The following NKAIN3 variants were observed in gnomAD, a reference collection of about 807,000 sequenced individuals.
The protein encoded by NKAIN3 is sodium/potassium transporting ATPase interacting 3.
In NKAIN3, 25 loss-of-function variants were observed where a neutral mutation model predicts 30.2. The observed-to-expected ratio is 0.83, with a 90% CI of 0.60 to 1.16. The LOEUF is 1.16. NKAIN3 is among the 50% of genes most tolerant of loss of function. NKAIN3 has a pLI of 0.00. For missense variants in NKAIN3, 225 were observed against 254.1 expected (o/e 0.89, Z 0.78); for synonymous variants, 91 against 89.6 (o/e 1.02, Z -0.09).
chr8:62,423,063 G>C (rs892358495), intron 1 of NKAIN3, among the ~76,000 whole-genome samples: 3 of 152,028 alleles, frequency 2.0e-5, no homozygotes, highest in Non-Finnish European at 4.4e-5. Context: ...TTTCAAGGTA[G>C]CTGGGAAAAA....
chr8:62,812,122 C>A (rs948661905), intron 4 of NKAIN3, among the ~76,000 whole-genome samples: 19 of 151,894 alleles, frequency 1.3e-4, no homozygotes, highest in African/African-American at 4.3e-4. Context: ...TGCTTGTGCA[C>A]CTTTGTCAAT....
At chr8:62,491,632 T>C (rs1807069826) in intron 1 of NKAIN3, among the ~76,000 whole-genome samples, 1 of 152,198 alleles carries the variant, frequency 6.6e-6, no homozygotes, top group Non-Finnish European at 1.5e-5. Context: ...CGTTACAAAT[T>C]ATGTAAATAG....
At chr8:62,582,979 G>T (rs1396526157) in intron 2 of NKAIN3, among the ~76,000 whole-genome samples, 1 of 152,172 alleles carries the variant, frequency 6.6e-6, no homozygotes, top group Non-Finnish European at 1.5e-5. Context: ...CCTGGTGTTT[G>T]TGTCCCGGTC....
intron 6 of NKAIN3, 58 bp from the exon 7 acceptor site, chr8:62,965,296 A>G: frequency 1.0e-6 from 1 of 985,744 alleles, no homozygotes; most frequent in Non-Finnish European, 1.2e-6. Flanking sequence ...ATGAATATAA[A>G]AGATATTTAG....
chr8:62,317,766 T>G (rs1034531035), intron 1 of NKAIN3, among the ~76,000 whole-genome samples: 2 of 152,250 alleles, frequency 1.3e-5, no homozygotes, highest in Admixed American at 1.3e-4. Flanking sequence ...GTGGACTCTT[T>G]TTTGGTTCCA....
At chr8:62,597,521 T>C (rs1810869664) in intron 3 of NKAIN3, among the ~76,000 whole-genome samples, 1 of 152,076 alleles carries the variant, frequency 6.6e-6, no homozygotes, top group Admixed American at 6.6e-5. Flanking sequence ...TTAGTGATGA[T>C]GTTTTTAGGC....
intron 1 of NKAIN3, among the ~76,000 whole-genome samples, chr8:62,570,636 A>G (rs1009468897): frequency 6.6e-6 from 1 of 152,158 alleles, no homozygotes; most frequent in African/African-American, 2.4e-5. Context: ...CCGTGATTCA[A>G]TCATCTCCCA....
At position 62,968,461 on chromosome 8, in the gene NKAIN3, T is replaced by C. The variant is rs1335609141; in HGVS notation, c.*3054T>C. ...TTCTTGCCAAACCTCAGCTTCTCCA[T>C]ATGCAATTGTGTGTCTGGTCAGAGT... On this transcript the variant is annotated 3_prime_UTR_variant, in exon 7 of 7. Transcript: ENST00000623646. Among the ~76,000 whole-genome samples, 1 of 152,224 alleles carries C rather than the reference T, an allele frequency of 6.6e-6. No homozygotes were observed. Among genetic ancestry groups the C allele is most frequent in the Non-Finnish European group, 1.5e-5 (1 of 68,028 alleles).
chr8:62,339,355 C>A (rs1274768359), intron 1 of NKAIN3, among the ~76,000 whole-genome samples: 1 of 151,954 alleles, frequency 6.6e-6, no homozygotes, highest in Non-Finnish European at 1.5e-5. Flanking sequence ...CAGGAGAGGG[C>A]AAGGTCTAAT....
In NKAIN3 at chr8:62,604,732, T is replaced by C. The variant is rs368456206; in HGVS notation, c.273+14938T>C. On this transcript the variant is annotated intron_variant, in intron 3 of 6. Transcript: ENST00000623646. Reference sequence around the variant, plus strand: ...GGGAAGGACAAAAGTTAATTGAAATTTAGCAAACTTCAAAGAAAAAGAAAG... The same window carrying C: ...GGGAAGGACAAAAGTTAATTGAAATCTAGCAAACTTCAAAGAAAAAGAAAG... 3.3e-5 allele frequency among the ~76,000 whole-genome samples: 5 copies of C among 152,146 alleles called. No individual in the cohort carries two copies. The East Asian group carries it at 5.8e-4, about 18-fold the overall frequency.
intron 4 of NKAIN3, among the ~76,000 whole-genome samples, chr8:62,891,028 T>C (rs1204316905): frequency 6.6e-6 from 1 of 152,150 alleles, no homozygotes; most frequent in Non-Finnish European, 1.5e-5. Context: ...TGAAGGCCAA[T>C]GGGCAGAGGC....
At chr8:62,677,286 A>G (rs1813507711) in intron 3 of NKAIN3, among the ~76,000 whole-genome samples, 1 of 152,214 alleles carries the variant, frequency 6.6e-6, no homozygotes, top group Admixed American at 6.5e-5. Flanking sequence ...TTCACAGTAG[A>G]TAATACCTTG....
At chr8:62,464,585 C>T (rs373867621) in intron 1 of NKAIN3, among the ~76,000 whole-genome samples, 16 of 152,160 alleles carry the variant, frequency 1.1e-4, no homozygotes, top group African/African-American at 3.9e-4. Flanking sequence ...TTAGAATGTT[C>T]TATTTGAAGA....
chr8:62,735,203 C>A (rs2130553663), intron 3 of NKAIN3, among the ~76,000 whole-genome samples: 1 of 152,270 alleles, frequency 6.6e-6, no homozygotes, highest in Non-Finnish European at 1.5e-5. Context: ...GTTTTCCACA[C>A]CTTCAGATTT....
chr8:62,467,437 C>G (rs1806196226), intron 1 of NKAIN3, among the ~76,000 whole-genome samples: 1 of 152,152 alleles, frequency 6.6e-6, no homozygotes. Context: ...TCAGAAATCT[C>G]ATAAATTAGT....
chr8:62,469,787 G>A lies in NKAIN3; in HGVS notation c.55-109752G>A, dbSNP rs536460980. On this transcript the variant is annotated intron_variant, in intron 1 of 6. Transcript: ENST00000623646. ...GTGATAAGCTCTACTAAGAAAGATT[G>A]CAGTGTACAGTAAAAGCCTACAACA... Among the ~76,000 whole-genome samples the A allele has an allele frequency of 1.1e-3, 161 of 152,222 alleles. 1 individual carries two copies. The highest frequency in any genetic ancestry group is 3.8e-3 in the African/African-American group (158 of 41,540).
Position 62,401,785 on chromosome 8 carries a change from A to G in NKAIN3, c.54+152658A>G, listed in dbSNP as rs565432214. ...CTTCCCATTACTTTCTCCCAAATAA[A>G]CAGAGTCTTTCTGTCTGAACTGAGC... is the stretch of plus-strand genomic sequence containing the variant. On this transcript the variant is annotated intron_variant, in intron 1 of 6. Transcript: ENST00000623646. Among the ~76,000 whole-genome samples, 7 of 152,294 alleles carry G rather than the reference A, an allele frequency of 4.6e-5. No individual in the cohort carries two copies. The East Asian group carries it at 1.2e-3, about 25-fold the overall frequency.
chr8:62,655,074 G>C (rs1481945431), intron 3 of NKAIN3, among the ~76,000 whole-genome samples: 1 of 152,154 alleles, frequency 6.6e-6, no homozygotes, highest in Non-Finnish European at 1.5e-5. Flanking sequence ...GGGATTGGTA[G>C]AGTTTATAAG....
At chr8:62,533,281 A>G (rs1808543275) in intron 1 of NKAIN3, among the ~76,000 whole-genome samples, 2 of 152,318 alleles carry the variant, frequency 1.3e-5, no homozygotes, top group South Asian at 4.1e-4. Context: ...AAAAGATGGA[A>G]TTTTAACCAG....
Sources: gnomAD v4.1 joint callset for allele counts (sites outside exome capture counted in the v4.1 genomes callset) on GRCh38, gnomAD v4.1.1 for gene constraint, MANE v1.5 for transcripts, NCBI Gene and HGNC (gene_info 2026-07-23, HGNC 2026-07-21) for gene names.